RETREG1: variants seen among roughly 807,000 people sequenced by gnomAD.
RETREG1 encodes the protein family with sequence similarity 134 member B.
A neutral mutation model predicts 54.8 loss-of-function variants in RETREG1; 44 were observed. The ratio of observed to expected loss-of-function variants is 0.80; its 90% confidence interval spans 0.63 to 1.03. The LOEUF (loss-of-function observed/expected upper bound fraction) is 1.03. Among genes scored for constraint, RETREG1 ranks in the 50% least tolerant of loss-of-function variants. The probability of loss-of-function intolerance (pLI) is 0.00; values close to 1 mark genes in which losing one functional copy is unlikely to be tolerated. For synonymous variants in RETREG1, 217 were observed against 238.5 expected, an observed-to-expected ratio of 0.91 and a Z score of 0.83; for missense variants, 554 against 605.1, an observed-to-expected ratio of 0.92 and a Z score of 0.89.
In RETREG1 at chr5:16,543,995, GACGGAGTCTC is replaced by G. The variant is rs1301562435; in HGVS notation, c.458+21758_458+21767del. Among the ~76,000 whole-genome samples the G allele has an allele frequency of 9.1e-4, 115 of 126,650 alleles. 4 individuals carry two copies. The East Asian group carries it at 0.027, about 29-fold the overall frequency. The allele number at this position is 126,650 out of a possible 152,430, so 83.1% of individuals were successfully genotyped here. A position where few individuals can be genotyped will look rare whatever the true frequency, so the allele number is the denominator to read the frequency against. ...GTTTTTTTTTTTTTTTTTTTTTGGAGACGGAGTCTCACTCTTGTCACCCAGGCTGGCATGC... is the reference window on the plus strand; with the variant it reads ...GTTTTTTTTTTTTTTTTTTTTTGGAGACTCTTGTCACCCAGGCTGGCATGC... On this transcript the variant is annotated intron_variant, in intron 3 of 8. Transcript: ENST00000306320.
intron 3 of RETREG1, among the ~76,000 whole-genome samples, chr5:16,553,620 G>A (rs9312921): frequency 0.31 from 46,328 of 151,606 alleles, 7,233 homozygotes; most frequent in South Asian, 0.43. Flanking sequence ...ATATAAGCGC[G>A]GCTTTTTTTT....
intron 1 of RETREG1, among the ~76,000 whole-genome samples, chr5:16,599,455 G>A (rs569652083): frequency 3.3e-5 from 5 of 152,282 alleles, no homozygotes; most frequent in Admixed American, 3.3e-4. Flanking sequence ...CAACCACACA[G>A]TATTTTGGAA....
chr5:16,561,521 T>C lies in RETREG1; in HGVS notation c.458+4242A>G, dbSNP rs1366935040. Among the ~76,000 whole-genome samples, 1 of 151,554 alleles carries C rather than the reference T, an allele frequency of 6.6e-6. No individual in the cohort carries two copies. The highest frequency in any genetic ancestry group is 6.6e-5 in the Admixed American group (1 of 15,204). ...CAAAAAATAATAATAATAAAATAAA[T>C]AAAATAAAATAAAATACAAATACAA... On this transcript the variant is annotated intron_variant, in intron 3 of 8. Coordinates refer to ENST00000306320, the MANE Select transcript of RETREG1 (RefSeq NM_001034850.3). The surrounding 1 kb of genome is among the most constrained non-coding windows in gnomAD (Gnocchi z 4.2).
chr5:16,516,175 C>T (rs1285226272), intron 3 of RETREG1, among the ~76,000 whole-genome samples: 8 of 150,980 alleles, frequency 5.3e-5, no homozygotes, highest in African/African-American at 1.7e-4. Context: ...TTATAAAATA[C>T]ACAAAGTAGT....
chr5:16,551,911 A>G (rs2617427), intron 3 of RETREG1, among the ~76,000 whole-genome samples: 74,524 of 151,968 alleles, frequency 0.49, 20,214 homozygotes, highest in African/African-American at 0.74. Flanking sequence ...TCCTTCACTC[A>G]TGGTCCCTAG....
chr5:16,492,961 G>C (rs556164644), intron 3 of RETREG1, among the ~76,000 whole-genome samples: 104 of 152,274 alleles, frequency 6.8e-4, no homozygotes, highest in African/African-American at 2.3e-3. Context: ...TTAGCCACGT[G>C]AGCGACTCCT....
At chr5:16,495,506 G>A (rs1385942219) in intron 3 of RETREG1, among the ~76,000 whole-genome samples, 1 of 152,210 alleles carries the variant, frequency 6.6e-6, no homozygotes, top group Non-Finnish European at 1.5e-5. Context: ...TTGGGACACT[G>A]CTCCCTATGT....
chr5:16,577,421 G>A (rs1742357652), intron 1 of RETREG1, among the ~76,000 whole-genome samples: 1 of 151,910 alleles, frequency 6.6e-6, no homozygotes, highest in Non-Finnish European at 1.5e-5. Context: ...TCCCTGTCTA[G>A]TGGCTGATTC....
At chr5:16,479,041 T>G (rs1738657920) in intron 5 of RETREG1, 54 bp from the exon 6 acceptor site, 1 of 1,561,308 alleles carries the variant, frequency 6.4e-7, no homozygotes, top group Admixed American at 1.7e-5. Context: ...AAAGGCTACG[T>G]ACATTTCAGT....
At chr5:16,483,239 A>G in intron 4 of RETREG1, 107 bp downstream of exon 4, 1 of 1,295,584 alleles carries the variant, frequency 7.7e-7, no homozygotes, top group East Asian at 2.3e-5. Context: ...TTCTTAGTAT[A>G]TTATATTTAA....
At chr5:16,476,935 G>C (rs1343680266) in intron 8 of RETREG1, among the ~76,000 whole-genome samples, 3 of 152,028 alleles carry the variant, frequency 2.0e-5, no homozygotes, top group South Asian at 4.1e-4. Context: ...AAAATAAAAA[G>C]CTTTTTTAAC....
intron 4 of RETREG1, 109 bp from the exon 5 acceptor site, chr5:16,481,202 A>G (rs1474246186): frequency 1.2e-6 from 1 of 843,118 alleles, no homozygotes; most frequent in African/African-American, 1.7e-5. Flanking sequence ...TAAGTGACCT[A>G]TCTGGTTATT....
intron 3 of RETREG1, among the ~76,000 whole-genome samples, chr5:16,494,904 T>A (rs12654508): frequency 0.25 from 37,312 of 152,102 alleles, 5,280 homozygotes; most frequent in Admixed American, 0.43. Flanking sequence ...ATTTGGAACA[T>A]CCTAGAGACT....
intron 2 of RETREG1, among the ~76,000 whole-genome samples, chr5:16,569,435 C>T (rs1472536071): frequency 6.6e-6 from 1 of 152,102 alleles, no homozygotes; most frequent in Non-Finnish European, 1.5e-5. Flanking sequence ...AGGTCTGGTT[C>T]CCCACAGGGA....
intron 3 of RETREG1, among the ~76,000 whole-genome samples, chr5:16,562,516 T>G (rs946548217): frequency 6.6e-6 from 1 of 152,122 alleles, no homozygotes; most frequent in Non-Finnish European, 1.5e-5. Context: ...CCTTCAGATC[T>G]TAAGTCAGTT....
At chr5:16,534,398 C>T (rs758936637) in intron 3 of RETREG1, among the ~76,000 whole-genome samples, 6 of 152,240 alleles carry the variant, frequency 3.9e-5, no homozygotes, top group Non-Finnish European at 8.8e-5. Context: ...GTACCCATCC[C>T]ACTGCCTGGA....
At chr5:16,553,914 G>A (rs1206380602) in intron 3 of RETREG1, among the ~76,000 whole-genome samples, 2 of 152,160 alleles carry the variant, frequency 1.3e-5, no homozygotes, top group Non-Finnish European at 2.9e-5. Context: ...AAGAGAGCAC[G>A]ATATTCTCTC....
At chr5:16,479,710 C>T (rs771841792) in intron 5 of RETREG1, among the ~76,000 whole-genome samples, 7 of 152,108 alleles carry the variant, frequency 4.6e-5, no homozygotes, top group Non-Finnish European at 8.8e-5. Context: ...AAGATTGCCA[C>T]ACTCTAAGTA....
intron 3 of RETREG1, among the ~76,000 whole-genome samples, chr5:16,528,607 A>AGCCAAGAGGGGACAG (rs1740806655): frequency 6.6e-6 from 1 of 152,056 alleles, no homozygotes; most frequent in Admixed American, 6.5e-5. Flanking sequence ...TCTGGAGACA[A>AGCCAAGAGGGGACAG]AGCCAAGAGG....
Sources: gnomAD v4.1 joint callset for allele counts (sites outside exome capture counted in the v4.1 genomes callset) on GRCh38, gnomAD v4.1.1 for gene constraint, Gnocchi (gnomAD v3.1) non-coding constraint, MANE v1.5 for transcripts, NCBI Gene and HGNC (gene_info 2026-07-23, HGNC 2026-07-21) for gene names.